The following MYO9B variants were observed in gnomAD, a reference collection of about 807,000 sequenced individuals.
MYO9B encodes the protein myosin IXB.
Under a neutral mutation model 229.5 loss-of-function variants are expected in MYO9B, and 71 were observed. The ratio of observed to expected loss-of-function variants is 0.31; its 90% CI spans 0.26 to 0.38. The LOEUF is 0.38. Among genes scored for constraint, MYO9B ranks in the 10% least tolerant of loss-of-function variants. The probability of loss-of-function intolerance (pLI) is 1.00; values close to 1 mark genes in which losing one functional copy is unlikely to be tolerated. For synonymous variants in MYO9B, 1,185 were observed against 1,235.8 expected, an observed-to-expected ratio of 0.96 and a Z score of 0.86; for missense variants, 2,255 against 2,920.5, an observed-to-expected ratio of 0.77 and a Z score of 5.25.
chr19:17,087,491 G>C (rs574401084), intron 1 of MYO9B, among the ~76,000 whole-genome samples: 200 of 152,312 alleles, frequency 1.3e-3, no homozygotes, highest in Middle Eastern at 3.4e-3. Flanking sequence ...CAGAAAAAAG[G>C]CTGGAGCAAC....
rs182818178 is a variant in MYO9B at position 17,162,856 on chromosome 19, G to C, written c.1537-132G>C. The C allele has an allele frequency of 8.6e-4, 883 of 1,022,638 alleles. 1 individual carries two copies. Among genetic ancestry groups the C allele is most frequent in the Admixed American group, 1.4e-3 (50 of 34,640 alleles). The allele number at this position is 1,022,638 out of a possible 1,614,324, so 63.3% of individuals were successfully genotyped here. A position where few individuals can be genotyped will look rare whatever the true frequency, so the allele number is the denominator to read the frequency against. On this transcript the variant is annotated intron_variant, in intron 9 of 39. Transcript: ENST00000682292. ...AATTATGGATTCCATGCTGGTAATG[G>C]CAAAGTGTTCTGCCGAGCAACAGGG...
intron 11 of MYO9B, among the ~76,000 whole-genome samples, chr19:17,171,680 G>A (rs1174193768): frequency 1.3e-5 from 2 of 152,200 alleles, no homozygotes; most frequent in African/African-American, 2.4e-5. Flanking sequence ...GGCTGGGCGC[G>A]GTGGCTCACG....
chr19:17,212,128 G>A lies in MYO9B; in HGVS notation c.6292G>A (p.Glu2098Lys). 2 of 1,590,096 alleles carry A rather than the reference G, an allele frequency of 1.3e-6. No individual in the cohort carries two copies. The highest frequency in any genetic ancestry group is 2.3e-5 in the South Asian group (2 of 88,598). ...REAAAPVRRR[E>K]PPARRPDQIH... ...GGCGGCTGCCCCAGTGCGGCGCCGGGAGCCACCTGCCCGCCGCCCGGACCA... is the reference window on the plus strand; with the variant it reads ...GGCGGCTGCCCCAGTGCGGCGCCGGAAGCCACCTGCCCGCCGCCCGGACCA... Residue 2098 changes from glutamate (E) to lysine (K), a missense_variant, in exon 40 of 40, where the codon GAG becomes AAG. Around this residue, in one of 7 missense-constraint regions of MYO9B, gnomAD observed 331 missense variants for 332.5 expected, o/e 1.00. Coordinates refer to ENST00000682292, the MANE Select transcript of MYO9B (RefSeq NM_004145.4). This position sits in a 1 kb window ranked among gnomAD's most constrained non-coding sequence, Gnocchi z 5.4.
intron 2 of MYO9B, among the ~76,000 whole-genome samples, chr19:17,118,176 C>T (rs2057925077): frequency 3.3e-5 from 5 of 151,932 alleles, no homozygotes; most frequent in Admixed American, 3.3e-4. Context: ...AAGAATGACC[C>T]GGCTGCAAAT....
chr19:17,154,481 G>A (rs1316673415), intron 6 of MYO9B, 66 bp downstream of exon 6: 1 of 1,260,960 alleles, frequency 7.9e-7, no homozygotes, highest in Non-Finnish European at 1.1e-6. Flanking sequence ...GCCCTTACCA[G>A]TCACTCTGAG....
chr19:17,124,720 A>T (rs2057998131), intron 2 of MYO9B, among the ~76,000 whole-genome samples: 1 of 148,992 alleles, frequency 6.7e-6, no homozygotes, highest in Admixed American at 6.8e-5. Context: ...AGATCGCGCC[A>T]CTGCACTCCA....
In MYO9B at chr19:17,185,936, C is replaced by CT; in HGVS notation, c.2513dup (p.Glu840GlyfsTer19). ...CCCTTAACAGACATCCCTTAACAAG[C>CT]TCTTGGAGGCACTGGGGAAGGCGGA... is the stretch of plus-strand genomic sequence containing the variant. On this transcript the variant is annotated frameshift_variant, in exon 18 of 40. Transcript: ENST00000682292. LOFTEE classifies it high-confidence loss of function. 6.2e-7 allele frequency: 1 copy of CT among 1,613,870 alleles called. No individual in the cohort carries two copies. The highest frequency in any genetic ancestry group is 8.5e-7 in the Non-Finnish European group (1 of 1,179,766).
intron 2 of MYO9B, among the ~76,000 whole-genome samples, chr19:17,135,034 G>A (rs1227501296): frequency 6.6e-6 from 1 of 152,076 alleles, no homozygotes; most frequent in African/African-American, 2.4e-5. Flanking sequence ...AAAGTGCTAG[G>A]ATTACAGGAG....
chr19:17,209,631 G>A lies in MYO9B; in HGVS notation c.5670G>A (p.Val1890=), dbSNP rs1438476448. The part of the protein sequence containing the change: ...LIKEQMRKYK[V]KMEEISQLEA... ...AGGAGCAGATGAGGAAATACAAAGTGAAGATGGAGGAGATCAGCCAACTGG... is the reference window on the plus strand; with the variant it reads ...AGGAGCAGATGAGGAAATACAAAGTAAAGATGGAGGAGATCAGCCAACTGG... Residue 1890 remains valine, a synonymous_variant, in exon 36 of 40, where the codon GTG becomes GTA. Transcript: ENST00000682292. The A allele has an allele frequency of 1.9e-6, 3 of 1,608,268 alleles. No homozygotes were observed. Among genetic ancestry groups the A allele is most frequent in the Non-Finnish European group, 2.5e-6 (3 of 1,177,310 alleles).
chr19:17,106,485 G>T (rs1196490347), intron 2 of MYO9B, among the ~76,000 whole-genome samples: 2 of 152,200 alleles, frequency 1.3e-5, no homozygotes, highest in Admixed American at 1.3e-4. Flanking sequence ...TCCCGAGGCC[G>T]CCCTGGCGTC....
chr19:17,112,565 G>A (rs2057858018), intron 2 of MYO9B, among the ~76,000 whole-genome samples: 1 of 152,232 alleles, frequency 6.6e-6, no homozygotes, highest in African/African-American at 2.4e-5. Context: ...ATCTGAGGCT[G>A]ATAGCTGAGG....
chr19:17,200,960 C>T (rs1297248300), intron 26 of MYO9B, 131 bp downstream of exon 26: 6 of 1,065,564 alleles, frequency 5.6e-6, no homozygotes, highest in Admixed American at 4.6e-5. Flanking sequence ...AGGCTCAGGC[C>T]GGGGACAGTG....
intron 2 of MYO9B, among the ~76,000 whole-genome samples, chr19:17,106,706 G>A (rs73519663): frequency 0.013 from 1,957 of 152,292 alleles, 47 homozygotes; most frequent in African/African-American, 0.045. Flanking sequence ...CAGGAGGATT[G>A]CGTGAGCCTA....
chr19:17,076,768 G>T (rs556413408), intron 1 of MYO9B, among the ~76,000 whole-genome samples: 149 of 152,304 alleles, frequency 9.8e-4, no homozygotes, highest in Non-Finnish European at 1.7e-3. Context: ...CCTCAGGGCC[G>T]GTTGTGGGGC....
chr19:17,134,372 G>GTTTTTTT (rs2072240732), intron 2 of MYO9B, among the ~76,000 whole-genome samples: 2 of 70,428 alleles, frequency 2.8e-5, no homozygotes, highest in African/African-American at 5.4e-5. Flanking sequence ...TTTTTTTTTC[G>GTTTTTTT]TTTTGTTTGT....
rs757198755 is a variant in MYO9B, at chr19:17,198,259, T to C, written c.4189T>C (p.Ser1397Pro). Residue 1397 changes from serine to proline, a missense_variant, in exon 24 of 40, where the codon TCC (serine) becomes CCC (proline). By Grantham distance (74) the Ser-to-Pro change is moderately conservative (BLOSUM62 -1). This residue lies in a region of MYO9B where 679 missense variants were observed against 770.2 expected (regional missense o/e 0.88). Transcript: ENST00000682292. Reference protein sequence around the residue: ...AVQKKKPGDASSLPDAGLSPG... With the variant: ...AVQKKKPGDAPSLPDAGLSPG... ...CCAGAAGAAGAAGCCAGGCGACGCA[T>C]CCTCCCTCCCAGACGCAGGGCTGTC... is the stretch of plus-strand genomic sequence containing the variant. 3.1e-6 allele frequency: 5 copies of C among 1,613,812 alleles called. No individual in the cohort carries two copies. Among genetic ancestry groups the C allele is most frequent in the Non-Finnish European group, 4.2e-6 (5 of 1,179,850 alleles).
chr19:17,205,860 C>T, intron 31 of MYO9B, 100 bp from the exon 32 acceptor site: 1 of 1,186,718 alleles, frequency 8.4e-7, no homozygotes, highest in South Asian at 1.6e-5. Context: ...CAGAGGAAGC[C>T]CTGAGGGCCT....
At chr19:17,114,755 A>G (rs529039233) in intron 2 of MYO9B, among the ~76,000 whole-genome samples, 11 of 152,004 alleles carry the variant, frequency 7.2e-5, no homozygotes, top group East Asian at 3.9e-4. Flanking sequence ...CTTGAAACCT[A>G]TGCCAGGTGC....
At chr19:17,206,426 C>T (rs2073163222) in intron 33 of MYO9B, 50 bp downstream of exon 33, 1 of 1,593,308 alleles carries the variant, frequency 6.3e-7, no homozygotes, top group South Asian at 1.1e-5. Flanking sequence ...AGCCAGGATA[C>T]AGCGTTCGCT....
Sources: allele counts gnomAD v4.1 joint callset (sites outside exome capture counted in the v4.1 genomes callset), GRCh38; gene constraint gnomAD v4.1.1; regional missense constraint gnomAD v4.1.1; non-coding constraint Gnocchi (gnomAD v3.1); transcripts MANE v1.5; gene names NCBI Gene and HGNC (gene_info 2026-07-23, HGNC 2026-07-21).